The following KCNQ5 variants were observed in gnomAD, a reference collection of about 807,000 sequenced individuals.
KCNQ5 encodes the protein potassium voltage-gated channel subfamily KQT member 5.
Under a neutral mutation model 98.2 loss-of-function variants are expected in KCNQ5, and 30 were observed. That is an observed-to-expected ratio of 0.31 (90% CI 0.23 to 0.41). The LOEUF (loss-of-function observed/expected upper bound fraction) is 0.41. Among genes scored for constraint, KCNQ5 ranks in the 10% least tolerant of loss-of-function variants. The pLI is 1.00. For missense variants in KCNQ5, 835 were observed against 1,182.5 expected, an observed-to-expected ratio of 0.71 and a Z score of 4.31; for synonymous variants, 458 against 449.4, an observed-to-expected ratio of 1.02 and a Z score of -0.24.
rs377074352 is a variant in KCNQ5, at chr6:73,105,488, G to A, written c.1029+121G>A. Reference sequence around the variant, plus strand: ...TATCATTTACAAATATAATTTTTCCGATATAATGTTGACTTTTCTAAATAT... The same window carrying A: ...TATCATTTACAAATATAATTTTTCCAATATAATGTTGACTTTTCTAAATAT... On this transcript the variant is annotated intron_variant, in intron 6 of 13. Coordinates refer to ENST00000370398, the MANE Select transcript of KCNQ5 (RefSeq NM_019842.4). The A allele has an allele frequency of 4.2e-5, 21 of 505,380 alleles. No individual in the cohort carries two copies. The East Asian group carries it at 6.3e-4, about 15-fold the overall frequency. 31.3% of individuals were successfully genotyped at this position (505,380 alleles called of 1,614,324 possible). A position where few individuals can be genotyped will look rare whatever the true frequency, so the allele number is the denominator to read the frequency against.
At chr6:72,996,066 G>A (rs1168651682) in intron 1 of KCNQ5, among the ~76,000 whole-genome samples, 1 of 152,184 alleles carries the variant, frequency 6.6e-6, no homozygotes, top group Non-Finnish European at 1.5e-5. Flanking sequence ...TTAACTGAAA[G>A]CCCTGATGAG....
intron 1 of KCNQ5, among the ~76,000 whole-genome samples, chr6:72,919,833 A>C (rs1359359729): frequency 6.6e-6 from 1 of 152,138 alleles, no homozygotes; most frequent in African/African-American, 2.4e-5. Context: ...TCCATGCCCA[A>C]GATGGATGTA....
intron 1 of KCNQ5, among the ~76,000 whole-genome samples, chr6:72,800,033 A>C (rs564171372): frequency 2.6e-4 from 40 of 152,324 alleles, no homozygotes; most frequent in Admixed American, 8.5e-4. Context: ...TACTTTGATT[A>C]CTAGTACCTT....
chr6:73,045,658 CA>C (rs1336023924), intron 3 of KCNQ5, among the ~76,000 whole-genome samples: 1 of 152,184 alleles, frequency 6.6e-6, no homozygotes, highest in Non-Finnish European at 1.5e-5. Context: ...ATTTCATAGT[CA>C]TTCTTTTTTC....
In KCNQ5 at chr6:73,195,638, G is replaced by GAAA. The variant is rs1765767673; in HGVS notation, c.*225_*226insAAA. The stretch of plus-strand genomic sequence containing the variant: ...ACCCACTCATTTAGTAATGTACCTT[G>GAAA]AGTTAAAAAGCCTGAGAAACCAAAC... On this transcript the variant is annotated 3_prime_UTR_variant, in exon 14 of 14. Coordinates refer to ENST00000370398, the MANE Select transcript of KCNQ5 (RefSeq NM_019842.4). 1.8e-6 allele frequency: 1 copy of GAAA among 542,396 alleles called. No individual in the cohort carries two copies. The highest frequency in any genetic ancestry group is 3.2e-6 in the Non-Finnish European group (1 of 308,798). 33.6% of individuals were successfully genotyped at this position (542,396 alleles called of 1,614,324 possible).
At chr6:73,055,207 G>T in intron 3 of KCNQ5, 1 of 1,065,578 alleles carries the variant, frequency 9.4e-7, no homozygotes, top group Non-Finnish European at 1.5e-6. Flanking sequence ...GCCATGAGGC[G>T]GCAAAGCAGG....
chr6:73,057,770 CA>C (rs913913611), intron 3 of KCNQ5, among the ~76,000 whole-genome samples: 3 of 151,274 alleles, frequency 2.0e-5, no homozygotes, highest in African/African-American at 4.9e-5. Flanking sequence ...TGTATGAAAC[CA>C]AAAAAAAGCC....
chr6:72,799,383 C>T (rs1774513826), intron 1 of KCNQ5, among the ~76,000 whole-genome samples: 1 of 152,186 alleles, frequency 6.6e-6, no homozygotes, highest in Non-Finnish European at 1.5e-5. Context: ...ACTGCAACAG[C>T]TCTATTATTA....
At chr6:72,819,005 A>C (rs959584332) in intron 1 of KCNQ5, among the ~76,000 whole-genome samples, 1 of 152,088 alleles carries the variant, frequency 6.6e-6, no homozygotes, top group East Asian at 1.9e-4. Context: ...TATGAGGTAG[A>C]AAATTCTTAC....
intron 1 of KCNQ5, among the ~76,000 whole-genome samples, chr6:72,946,582 G>A (rs977208121): frequency 6.6e-6 from 1 of 152,166 alleles, no homozygotes; most frequent in South Asian, 2.1e-4. Flanking sequence ...AAAAAATAGA[G>A]AAAAATCAAA....
intron 1 of KCNQ5, among the ~76,000 whole-genome samples, chr6:72,872,756 A>G (rs932082531): frequency 1.1e-4 from 17 of 152,122 alleles, no homozygotes; most frequent in Non-Finnish European, 2.4e-4. Context: ...CTACATTCAA[A>G]GCAACTTCAT....
intron 1 of KCNQ5, among the ~76,000 whole-genome samples, chr6:72,995,645 A>T (rs1180152261): frequency 6.6e-6 from 1 of 152,198 alleles, no homozygotes; most frequent in East Asian, 1.9e-4. Flanking sequence ...AAGTCAAGAT[A>T]TGGTGTTTGT....
At chr6:73,093,344 T>C (rs566909884) in intron 5 of KCNQ5, among the ~76,000 whole-genome samples, 58 of 152,258 alleles carry the variant, frequency 3.8e-4, no homozygotes, top group Middle Eastern at 3.4e-3. Context: ...TATTCATTTT[T>C]AAAGAACCAG....
Position 72,941,560 on chromosome 6 carries a change from C to CT in KCNQ5, c.399-62347dup, listed in dbSNP as rs1203802879. ...CCTCCTTCCTTTCCTTCTTCCCTCC[C>CT]TCCTTCCTTCCTCCTTCCCTCCCTC... is the stretch of plus-strand genomic sequence containing the variant. On this transcript the variant is annotated intron_variant, in intron 1 of 13. Coordinates refer to ENST00000370398, the MANE Select transcript of KCNQ5 (RefSeq NM_019842.4). Among the ~76,000 whole-genome samples the CT allele has an allele frequency of 1.6e-4, 13 of 80,904 alleles. No homozygotes were observed. The South Asian group carries it at 3.7e-3, about 23-fold the overall frequency. The allele number at this position is 80,904 out of a possible 152,430, so 53.1% of individuals were successfully genotyped here. A position where few individuals can be genotyped will look rare whatever the true frequency, so the allele number is the denominator to read the frequency against.
At chr6:72,791,714 A>G (rs1774060882) in intron 1 of KCNQ5, among the ~76,000 whole-genome samples, 1 of 152,148 alleles carries the variant, frequency 6.6e-6, no homozygotes, top group Non-Finnish European at 1.5e-5. Context: ...CACAGTTGTG[A>G]AAGCTGTGAA....
intron 3 of KCNQ5, among the ~76,000 whole-genome samples, chr6:73,068,455 G>A (rs1773162519): frequency 6.6e-6 from 1 of 152,106 alleles, no homozygotes; most frequent in Non-Finnish European, 1.5e-5. Context: ...CGCATTTGTG[G>A]TAATAATAAT....
chr6:72,694,138 T>C (rs1174352433), intron 1 of KCNQ5, among the ~76,000 whole-genome samples: 1 of 152,206 alleles, frequency 6.6e-6, no homozygotes, highest in Non-Finnish European at 1.5e-5. Context: ...TATACATTTT[T>C]TGATCATGTA....
chr6:73,149,461 C>G (rs1038631822), intron 10 of KCNQ5, among the ~76,000 whole-genome samples: 4 of 152,080 alleles, frequency 2.6e-5, no homozygotes, highest in African/African-American at 9.7e-5. Flanking sequence ...CAGAACTCAG[C>G]AGAATGTTCT....
chr6:73,174,303 GT>G (rs1425713487), intron 11 of KCNQ5, among the ~76,000 whole-genome samples: 1 of 152,068 alleles, frequency 6.6e-6, no homozygotes, highest in African/African-American at 2.4e-5. Context: ...CATGTTTTAT[GT>G]CAGTTGTCAA....
Sources: gnomAD v4.1 joint callset for allele counts (sites outside exome capture counted in the v4.1 genomes callset) on GRCh38, gnomAD v4.1.1 for gene constraint, MANE v1.5 for transcripts, NCBI Gene and HGNC (gene_info 2026-07-23, HGNC 2026-07-21) for gene names.